Variants in PID1 observed in about 807,000 individuals in gnomAD.
PID1 encodes the protein phosphotyrosine interaction domain containing 1.
In PID1, 10 loss-of-function variants were observed where a neutral mutation model predicts 19.1. The ratio of observed to expected loss-of-function variants is 0.52; its 90% CI spans 0.32 to 0.89. The LOEUF (loss-of-function observed/expected upper bound fraction) is 0.89, where lower values mean the gene tolerates loss of function less well. Among genes scored for constraint, PID1 ranks in the 40% least tolerant of loss-of-function variants. The pLI is 0.03. For synonymous variants in PID1, 130 were observed against 116.0 expected, an observed-to-expected ratio of 1.12 and a Z score of -0.78; for missense variants, 248 against 285.3, an observed-to-expected ratio of 0.87 and a Z score of 0.94.
intron 1 of PID1, among the ~76,000 whole-genome samples, chr2:229,207,675 G>T (rs915257214): frequency 2.0e-5 from 3 of 151,672 alleles, no homozygotes; most frequent in Non-Finnish European, 4.4e-5. Context: ...CAAAAATTCA[G>T]ATTCTTCTGC....
At chr2:229,026,199 G>A in intron 2 of PID1, 91 bp from the exon 3 acceptor site, 1 of 837,840 alleles carries the variant, frequency 1.2e-6, no homozygotes, top group Middle Eastern at 3.4e-4. Context: ...ACACAGTCAT[G>A]GTGTCACATT....
chr2:229,164,297 T>C (rs1686952388), intron 1 of PID1, among the ~76,000 whole-genome samples: 1 of 151,854 alleles, frequency 6.6e-6, no homozygotes, highest in Non-Finnish European at 1.5e-5. Context: ...AAATTTCACC[T>C]ACTCATGAAA....
chr2:229,184,510 C>CGT lies in PID1; in HGVS notation c.31-28548_31-28547dup, dbSNP rs1441583262. Among the ~76,000 whole-genome samples, 2 of 15,774 alleles carry CGT rather than the reference C, an allele frequency of 1.3e-4. 1 individual carries two copies. Among genetic ancestry groups the CGT allele is most frequent in the Non-Finnish European group, 2.0e-4 (2 of 9,894 alleles). 10.3% of individuals were successfully genotyped at this position (15,774 alleles called of 152,430 possible). On this transcript the variant is annotated intron_variant, in intron 1 of 2. Coordinates refer to ENST00000392055, the MANE Select transcript of PID1 (RefSeq NM_001100818.2). Reference sequence around the variant, plus strand: ...ATATATACCGTATATATATATATCCCGTATATATATATCCCGTATATATAT... The same window carrying CGT: ...ATATATACCGTATATATATATATCCCGTGTATATATATATCCCGTATATATAT...
At chr2:229,044,389 G>A (rs1309129449) in intron 2 of PID1, among the ~76,000 whole-genome samples, 4 of 151,862 alleles carry the variant, frequency 2.6e-5, no homozygotes, top group Non-Finnish European at 5.9e-5. Context: ...AAAAAGGTAG[G>A]ACCTGCACTC....
chr2:229,260,281 A>T (rs982591490), intron 1 of PID1, among the ~76,000 whole-genome samples: 2 of 152,136 alleles, frequency 1.3e-5, no homozygotes, highest in South Asian at 4.1e-4. Flanking sequence ...GGGAAAAAAA[A>T]CAGAACATGA....
intron 2 of PID1, among the ~76,000 whole-genome samples, chr2:229,057,905 C>T (rs1216421667): frequency 6.6e-6 from 1 of 152,092 alleles, no homozygotes; most frequent in East Asian, 1.9e-4. Flanking sequence ...AATCAGTATT[C>T]GATACATGTC....
chr2:229,089,230 T>G (rs1694824821), intron 2 of PID1, among the ~76,000 whole-genome samples: 1 of 152,208 alleles, frequency 6.6e-6, no homozygotes, highest in Non-Finnish European at 1.5e-5. Context: ...CAGCTATTAC[T>G]TGTCTGATAT....
intron 2 of PID1, among the ~76,000 whole-genome samples, chr2:229,047,444 T>C (rs970731809): frequency 1.3e-5 from 2 of 152,094 alleles, no homozygotes; most frequent in African/African-American, 4.8e-5. Context: ...TCACACTAAG[T>C]AATGATCTAA....
At chr2:229,058,992 T>C (rs1694158382) in intron 2 of PID1, among the ~76,000 whole-genome samples, 1 of 152,178 alleles carries the variant, frequency 6.6e-6, no homozygotes, top group Non-Finnish European at 1.5e-5. Flanking sequence ...TTCTTCAGTG[T>C]CAATATAAAT....
At chr2:229,196,431 T>G (rs1367712197) in intron 1 of PID1, among the ~76,000 whole-genome samples, 1 of 152,076 alleles carries the variant, frequency 6.6e-6, no homozygotes, top group Non-Finnish European at 1.5e-5. Flanking sequence ...CTAAAAGTTA[T>G]CTATACTTTC....
At chr2:229,073,556 T>C (rs1169911279) in intron 2 of PID1, among the ~76,000 whole-genome samples, 1 of 152,144 alleles carries the variant, frequency 6.6e-6, no homozygotes, top group Non-Finnish European at 1.5e-5. Context: ...ATCCCCCACG[T>C]ATTTTGGGGG....
chr2:229,037,375 G>A (rs1236206835), intron 2 of PID1, among the ~76,000 whole-genome samples: 3 of 152,060 alleles, frequency 2.0e-5, no homozygotes, highest in Non-Finnish European at 4.4e-5. Flanking sequence ...TGTTAAATAC[G>A]GCATGTGTCC....
intron 2 of PID1, among the ~76,000 whole-genome samples, chr2:229,142,267 T>A (rs1406441650): frequency 6.6e-6 from 1 of 152,132 alleles, no homozygotes; most frequent in Non-Finnish European, 1.5e-5. Flanking sequence ...ACTGTCTTCA[T>A]CTTAAATAAA....
chr2:229,202,194 G>A (rs180751613), intron 1 of PID1, among the ~76,000 whole-genome samples: 8 of 152,134 alleles, frequency 5.3e-5, no homozygotes, highest in East Asian at 3.9e-4. Flanking sequence ...TAATTTGACC[G>A]TCTGGAAGTG....
chr2:229,235,092 CCT>C (rs1167102995), intron 1 of PID1, among the ~76,000 whole-genome samples: 1 of 152,118 alleles, frequency 6.6e-6, no homozygotes, highest in African/African-American at 2.4e-5. Context: ...TCTCTCCCAC[CCT>C]CTCTCTAGGC....
chr2:229,198,212 G>A (rs79890811), intron 1 of PID1, among the ~76,000 whole-genome samples: 28 of 152,104 alleles, frequency 1.8e-4, no homozygotes, highest in Admixed American at 5.2e-4. Flanking sequence ...AACAAAACAC[G>A]TGAGGTTTTT....
intron 2 of PID1, among the ~76,000 whole-genome samples, chr2:229,053,741 G>A (rs886766940): frequency 1.3e-5 from 2 of 152,184 alleles, no homozygotes; most frequent in Non-Finnish European, 2.9e-5. Flanking sequence ...TACTCGAACA[G>A]TTGCTCTGAA....
chr2:229,078,817 T>C (rs1275967883), intron 2 of PID1, among the ~76,000 whole-genome samples: 4 of 152,210 alleles, frequency 2.6e-5, no homozygotes, highest in Non-Finnish European at 4.4e-5. Context: ...ACTGTGAGTG[T>C]TCTCTGTGGC....
intron 2 of PID1, among the ~76,000 whole-genome samples, chr2:229,028,032 G>A (rs7580152): frequency 0.14 from 20,757 of 152,068 alleles, 1,448 homozygotes; most frequent in Admixed American, 0.18. Context: ...CACAGCCAGC[G>A]GGCAAGGGTG....
Sources: allele counts gnomAD v4.1 joint callset (sites outside exome capture counted in the v4.1 genomes callset), GRCh38; gene constraint gnomAD v4.1.1; transcripts MANE v1.5; gene names NCBI Gene and HGNC (gene_info 2026-07-23, HGNC 2026-07-21).